Variants in ABHD2 observed in about 807,000 individuals in gnomAD.
The protein encoded by ABHD2 is monoacylglycerol lipase ABHD2.
Under a neutral mutation model 48.1 loss-of-function variants are expected in ABHD2, and 20 were observed. The observed-to-expected ratio is 0.42, with a 90% CI of 0.29 to 0.60. The LOEUF is 0.60. ABHD2 is among the 20% of genes least tolerant of loss of function. The pLI, the probability that ABHD2 is intolerant of heterozygous loss-of-function variation, is 0.24. For synonymous variants in ABHD2, 209 were observed against 214.2 expected, an observed-to-expected ratio of 0.98 and a Z score of 0.21; for missense variants, 405 against 550.9, an observed-to-expected ratio of 0.74 and a Z score of 2.65.
chr15:89,147,844 C>A (rs1020658218), intron 3 of ABHD2, among the ~76,000 whole-genome samples: 7 of 151,258 alleles, frequency 4.6e-5, no homozygotes, highest in Non-Finnish European at 7.4e-5. Context: ...CACAGTGGCT[C>A]ACGCCTGTAA....
At position 89,201,005 on chromosome 15, in the gene ABHD2, C is replaced by T. The variant is rs2051460846; in HGVS notation, c.*5582C>T. 1 of 558,154 alleles carries T rather than the reference C, an allele frequency of 1.8e-6. No homozygotes were observed. Among genetic ancestry groups the T allele is most frequent in the African/African-American group, 1.9e-5 (1 of 51,534 alleles). The allele number at this position is 558,154 out of a possible 1,614,324, so 34.6% of individuals were successfully genotyped here. A position where few individuals can be genotyped will look rare whatever the true frequency, so the allele number is the denominator to read the frequency against. ...GCTGAGGTGGGAGAATTGCTTGAAC[C>T]CAGGAGACGGAGGTTGCAGTGAGCC... On this transcript the variant is annotated 3_prime_UTR_variant, in exon 11 of 11. Transcript: ENST00000352732.
At chr15:89,054,446 C>T in the ABHD2 span, among the ~76,000 whole-genome samples, 1 of 151,898 alleles carries the variant, frequency 6.6e-6, no homozygotes, top group South Asian at 2.1e-4. Context: ...TTTGGGAGGC[C>T]GAGGTGGGTG....
At chr15:89,178,306 C>T (rs1256977988) in intron 6 of ABHD2, among the ~76,000 whole-genome samples, 3 of 152,232 alleles carry the variant, frequency 2.0e-5, no homozygotes, top group African/African-American at 7.2e-5. Flanking sequence ...AAATGGAGCA[C>T]AGTTCCTTAC....
In ABHD2 at chr15:89,176,055, C is replaced by G; in HGVS notation, c.722+60C>G. The G allele has an allele frequency of 6.8e-7, 1 of 1,480,014 alleles. No individual in the cohort carries two copies. Among genetic ancestry groups the G allele is most frequent in the Non-Finnish European group, 9.1e-7 (1 of 1,094,506 alleles). The allele number at this position is 1,480,014 out of a possible 1,614,324, so 91.7% of individuals were successfully genotyped here. On this transcript the variant is annotated intron_variant, in intron 6 of 10. Coordinates refer to ENST00000352732, the MANE Select transcript of ABHD2 (RefSeq NM_152924.5). The surrounding 1 kb of genome is among the most constrained non-coding windows in gnomAD (Gnocchi z 4.5). ...TTAGCCCTTATTTATAGAGATGCCCCGACGCACAACACACTGTTCTGTGAA... is the reference window on the plus strand; with the variant it reads ...TTAGCCCTTATTTATAGAGATGCCCGGACGCACAACACACTGTTCTGTGAA...
chr15:89,111,891 A>G (rs1027097793), intron 1 of ABHD2, among the ~76,000 whole-genome samples: 13 of 152,164 alleles, frequency 8.5e-5, no homozygotes, highest in African/African-American at 3.1e-4. Flanking sequence ...TTGTTATCCT[A>G]TCAGCATTGC....
intron 1 of ABHD2, among the ~76,000 whole-genome samples, chr15:89,108,782 G>A (rs189411113): frequency 6.6e-6 from 1 of 152,204 alleles, no homozygotes; most frequent in East Asian, 1.9e-4. Flanking sequence ...AGGCCCTGAG[G>A]GTTGTTAGTT....
At position 89,146,347 on chromosome 15, in the gene ABHD2, A is replaced by G. The variant is rs1168677880; in HGVS notation, c.195-5330A>G. 7.8e-6 allele frequency among the ~76,000 whole-genome samples: 1 copy of G among 128,800 alleles called. No individual in the cohort carries two copies. The highest frequency in any genetic ancestry group is 3.1e-5 in the African/African-American group (1 of 32,594). 84.5% of individuals were successfully genotyped at this position (128,800 alleles called of 152,430 possible). Reference sequence around the variant, plus strand: ...TGCCTATGTGAGCTTCATCTGCTCAAAGACGTACGTGTGTGTGTGTGTGTG... The same window carrying G: ...TGCCTATGTGAGCTTCATCTGCTCAGAGACGTACGTGTGTGTGTGTGTGTG... On this transcript the variant is annotated intron_variant, in intron 3 of 10. Coordinates refer to ENST00000352732, the MANE Select transcript of ABHD2 (RefSeq NM_152924.5). This position sits in a 1 kb window ranked among gnomAD's most constrained non-coding sequence, Gnocchi z 4.2.
intron 1 of ABHD2, among the ~76,000 whole-genome samples, chr15:89,101,700 A>G (rs747441719): frequency 1.4e-4 from 21 of 152,230 alleles, no homozygotes; most frequent in Non-Finnish European, 3.1e-4. Flanking sequence ...CAAATGTTCT[A>G]GTTATAGAGG....
intron 5 of ABHD2, among the ~76,000 whole-genome samples, chr15:89,165,212 A>T (rs992164790): frequency 6.6e-6 from 1 of 152,184 alleles, no homozygotes; most frequent in African/African-American, 2.4e-5. Context: ...ACTGGCTTCT[A>T]TATACAGAGC....
chr15:89,163,102 T>C (rs558380759), intron 5 of ABHD2, among the ~76,000 whole-genome samples: 10 of 152,238 alleles, frequency 6.6e-5, no homozygotes, highest in Non-Finnish European at 1.3e-4. Context: ...CTTTGGGCTT[T>C]TTGCAACTGT....
rs772659880 is a variant in ABHD2, at chr15:89,195,383, AGT to A, written c.1240_1241del (p.Cys414LeufsTer2). The A allele has an allele frequency of 6.2e-7, 1 of 1,614,154 alleles. No homozygotes were observed. Among genetic ancestry groups the A allele is most frequent in the South Asian group, 1.1e-5 (1 of 91,084 alleles). ...TGCCAATGGGAGCGTAACAAGTTGC[AGT>A]GCTCTGACACGGAGCAGGTGGAGGC... On this transcript the variant is annotated frameshift_variant, in exon 11 of 11. Coordinates refer to ENST00000352732, the MANE Select transcript of ABHD2 (RefSeq NM_152924.5). LOFTEE classifies it high-confidence loss of function. The surrounding 1 kb of genome is among the most constrained non-coding windows in gnomAD (Gnocchi z 5.1).
the ABHD2 span, among the ~76,000 whole-genome samples, chr15:89,057,373 G>T: frequency 6.6e-6 from 1 of 152,118 alleles, no homozygotes; most frequent in Non-Finnish European, 1.5e-5. Flanking sequence ...TCCCTTTGGG[G>T]TTTGGCGCAG....
chr15:89,068,386 G>A, the ABHD2 span, among the ~76,000 whole-genome samples: 1 of 152,258 alleles, frequency 6.6e-6, no homozygotes, highest in East Asian at 1.9e-4. Flanking sequence ...TCTGCTCCCT[G>A]GTGTCTGAGA....
intron 1 of ABHD2, among the ~76,000 whole-genome samples, chr15:89,110,284 A>G (rs1352398774): frequency 6.7e-6 from 1 of 150,218 alleles, no homozygotes; most frequent in Non-Finnish European, 1.5e-5. Flanking sequence ...CTCATCTTGA[A>G]CTCCTGGTCT....
the ABHD2 span, among the ~76,000 whole-genome samples, chr15:89,067,234 A>G: frequency 5.9e-5 from 9 of 152,350 alleles, no homozygotes; most frequent in South Asian, 1.9e-3. Context: ...GTGATCAAAC[A>G]AAGAAGCAGG....
At chr15:89,136,559 C>T in intron 3 of ABHD2, 1 of 294,476 alleles carries the variant, frequency 3.4e-6, no homozygotes, top group Non-Finnish European at 6.9e-6. Flanking sequence ...CTCACTTGCC[C>T]CAGTGCTATC....
At chr15:89,143,919 A>G (rs140735441) in intron 3 of ABHD2, among the ~76,000 whole-genome samples, 72 of 152,234 alleles carry the variant, frequency 4.7e-4, no homozygotes, top group African/African-American at 1.6e-3. Flanking sequence ...GGACTCTTGT[A>G]TGTTCCTGAT....
chr15:89,097,342 C>G lies in ABHD2; in HGVS notation c.-107+8779C>G, dbSNP rs2049629389. On this transcript the variant is annotated intron_variant, in intron 1 of 10. Transcript: ENST00000352732. The surrounding 1 kb of genome is among the most constrained non-coding windows in gnomAD (Gnocchi z 4.2). ...ATGATAATTCTTAAATATAAAGACT[C>G]CTTTGTTAAACACCCATTATTACTC... 6.6e-6 allele frequency among the ~76,000 whole-genome samples: 1 copy of G among 152,314 alleles called. No homozygotes were observed. Among genetic ancestry groups the G allele is most frequent in the East Asian group, 1.9e-4 (1 of 5,186 alleles).
intron 5 of ABHD2, among the ~76,000 whole-genome samples, chr15:89,171,049 G>C (rs966746523): frequency 5.3e-5 from 8 of 152,118 alleles, no homozygotes; most frequent in Admixed American, 1.3e-4. Context: ...CCGGGAGGCA[G>C]AGGTTGCAGT....
Sources: gnomAD v4.1 joint callset for allele counts (sites outside exome capture counted in the v4.1 genomes callset) on GRCh38, gnomAD v4.1.1 for gene constraint, Gnocchi (gnomAD v3.1) non-coding constraint, MANE v1.5 for transcripts, NCBI Gene and HGNC (gene_info 2026-07-23, HGNC 2026-07-21) for gene names.